The following GMFB variants were observed in gnomAD, a reference collection of about 807,000 sequenced individuals.
GMFB encodes GMF-beta.
GMFB carries 13 observed loss-of-function variants against 25.6 expected under a neutral mutation model. The observed-to-expected ratio is 0.51, with a 90% CI of 0.33 to 0.81. GMFB has a LOEUF of 0.81. GMFB is among the 30% of genes least tolerant of loss of function. The pLI, the probability that GMFB is intolerant of heterozygous loss-of-function variation, is 0.02. For synonymous variants in GMFB, 57 were observed against 56.9 expected, an observed-to-expected ratio of 1.00 and a Z score of 0.00; for missense variants, 146 against 175.4, an observed-to-expected ratio of 0.83 and a Z score of 0.95.
chr14:54,479,752 T>C lies in GMFB; in HGVS notation c.357+34A>G, dbSNP rs375494190. 15 of 1,252,974 alleles carry C rather than the reference T, an allele frequency of 1.2e-5. No homozygotes were observed. In the African/African-American group the frequency reaches 1.3e-4, roughly 11 times the overall value. 77.6% of individuals were successfully genotyped at this position (1,252,974 alleles called of 1,614,324 possible). Reference sequence around the variant, plus strand: ...TTGCTTTATAGTCTAAAGGAAAATATTGTCTCAACAAGTCAGTCAAATATA... The same window carrying C: ...TTGCTTTATAGTCTAAAGGAAAATACTGTCTCAACAAGTCAGTCAAATATA... On this transcript the variant is annotated intron_variant, in intron 6 of 6. Transcript: ENST00000358056.
At position 54,483,658 on chromosome 14, in the gene GMFB, A is replaced by G. The variant is rs557523140; in HGVS notation, c.100+13T>C. 6 of 1,356,232 alleles carry G rather than the reference A, an allele frequency of 4.4e-6. No homozygotes were observed. Among genetic ancestry groups the G allele is most frequent in the African/African-American group, 1.4e-5 (1 of 69,456 alleles). The allele number at this position is 1,356,232 out of a possible 1,614,324, so 84.0% of individuals were successfully genotyped here. ...AAGACCATGTAACTTTGAGGCAATC[A>G]CTTTTAGCTTACTTATAATAGCAGC... is the stretch of plus-strand genomic sequence containing the variant. On this transcript the variant is annotated intron_variant, in intron 2 of 6. Transcript: ENST00000358056.
intron 3 of GMFB, 124 bp downstream of exon 3, chr14:54,482,029 C>T: frequency 4.6e-6 from 3 of 650,046 alleles, no homozygotes; most frequent in Non-Finnish European, 8.4e-6. Flanking sequence ...TGCTTTTATG[C>T]ATAATGAGCA....
Position 54,476,660 on chromosome 14 carries a change from T to C in GMFB, c.*1428A>G, listed in dbSNP as rs2031644313. 1 of 151,986 alleles carries C rather than the reference T, an allele frequency of 6.6e-6. No individual in the cohort carries two copies. Among genetic ancestry groups the C allele is most frequent in the African/African-American group, 2.4e-5 (1 of 41,436 alleles). 9.4% of individuals were successfully genotyped at this position (151,986 alleles called of 1,614,324 possible). A position where few individuals can be genotyped will look rare whatever the true frequency, so the allele number is the denominator to read the frequency against. ...GATGTTCTATTCAATATCGCAAAAA[T>C]TCCAACTATCTTTACTTCTCACAGA... is the stretch of plus-strand genomic sequence containing the variant. On this transcript the variant is annotated 3_prime_UTR_variant, in exon 7 of 7. Transcript: ENST00000358056.
Position 54,478,155 on chromosome 14 carries a change from A to T in GMFB, c.362T>A (p.Phe121Tyr). The change falls in exon 7 of 7, where the codon TTT (phenylalanine) becomes TAT (tyrosine). Residue 121 changes from phenylalanine to tyrosine, a missense_variant. Phe to Tyr is a conservative substitution (Grantham distance 22). Coordinates refer to ENST00000358056, the MANE Select transcript of GMFB (RefSeq NM_004124.3). The stretch of plus-strand genomic sequence containing the variant: ...TAGGTCTTCGGTATTTCTTATTTCA[A>T]ATACCTTTAAAAAAAAAAAAAACTT... ...LVQTAELTKV[F>Y]EIRNTEDLTE... is the part of the protein sequence containing the mutation. 1 of 1,308,014 alleles carries T rather than the reference A, an allele frequency of 7.6e-7. No individual in the cohort carries two copies. The highest frequency in any genetic ancestry group is 1.0e-6 in the Non-Finnish European group (1 of 973,432). The allele number at this position is 1,308,014 out of a possible 1,614,324, so 81.0% of individuals were successfully genotyped here.
rs1453457633 is a variant in GMFB, at chr14:54,475,746, T to C, written c.*2342A>G. On this transcript the variant is annotated 3_prime_UTR_variant, in exon 7 of 7. Coordinates refer to ENST00000358056, the MANE Select transcript of GMFB (RefSeq NM_004124.3). ...GCAGAACTTATGCAGGGCCAAAAAT[T>C]TCAAAACTAACACTGACTTAGAAGA... is the stretch of plus-strand genomic sequence containing the variant. 3 of 152,448 alleles carry C rather than the reference T, an allele frequency of 2.0e-5. No homozygotes were observed. Among genetic ancestry groups the C allele is most frequent in the Non-Finnish European group, 4.4e-5 (3 of 67,934 alleles). The allele number at this position is 152,448 out of a possible 1,614,324, so 9.4% of individuals were successfully genotyped here.
rs191626746 is a variant in GMFB at position 54,486,274 on chromosome 14, C to T, written c.4-2507G>A. On this transcript the variant is annotated intron_variant, in intron 1 of 6. Coordinates refer to ENST00000358056, the MANE Select transcript of GMFB (RefSeq NM_004124.3). ...AAAAACAAAAACAAAAAAACAAAAA[C>T]AAACAGACCCCAACTCTCAGCATAT... Among the ~76,000 whole-genome samples the T allele has an allele frequency of 4.1e-3, 625 of 151,988 alleles. 4 individuals are homozygous for T. The highest frequency in any genetic ancestry group is 0.015 in the African/African-American group (604 of 41,468).
intron 6 of GMFB, 123 bp from the exon 7 acceptor site, chr14:54,478,282 A>G: frequency 2.2e-6 from 1 of 461,808 alleles, no homozygotes; most frequent in Non-Finnish European, 3.9e-6. Flanking sequence ...ATATTTGAGT[A>G]TTAAATACCA....
intron 1 of GMFB, among the ~76,000 whole-genome samples, chr14:54,488,433 A>C (rs2031818873): frequency 6.6e-6 from 1 of 152,256 alleles, no homozygotes; most frequent in African/African-American, 2.4e-5. Context: ...AGAGAGAAAG[A>C]AGCTAAGGTG....
intron 2 of GMFB, 56 bp from the exon 3 acceptor site, chr14:54,482,258 C>A (rs946088366): frequency 1.9e-5 from 20 of 1,077,074 alleles, no homozygotes; most frequent in Non-Finnish European, 2.8e-5. Flanking sequence ...CCTGATCTGC[C>A]CAACCCACAC....
chr14:54,487,394 G>A (rs184712935), intron 1 of GMFB, among the ~76,000 whole-genome samples: 3 of 152,234 alleles, frequency 2.0e-5, no homozygotes, highest in Admixed American at 1.3e-4. Context: ...AATTAGCCGG[G>A]TGTGGTGGCG....
At chr14:54,483,985 G>T (rs1566497904) in intron 1 of GMFB, 1 of 645,122 alleles carries the variant, frequency 1.6e-6, no homozygotes, top group Middle Eastern at 2.5e-4. Flanking sequence ...ATATATGTAA[G>T]GTATATTTTA....
intron 1 of GMFB, among the ~76,000 whole-genome samples, chr14:54,485,537 A>G (rs1364352946): frequency 1.3e-5 from 2 of 152,224 alleles, no homozygotes; most frequent in African/African-American, 4.8e-5. Context: ...AAAAATGGAA[A>G]GATTCCAAGC....
intron 2 of GMFB, 61 bp downstream of exon 2, chr14:54,483,610 A>C: frequency 1.2e-6 from 1 of 831,944 alleles, no homozygotes; most frequent in Non-Finnish European, 2.0e-6. Context: ...CATTCAATGT[A>C]GCTACAAGAT....
intron 1 of GMFB, among the ~76,000 whole-genome samples, chr14:54,484,777 T>C (rs572791016): frequency 1.3e-5 from 2 of 151,306 alleles, no homozygotes; most frequent in South Asian, 2.1e-4. Context: ...GATGCAAAAA[T>C]CCTTAACAAA....
chr14:54,480,743 T>C (rs532105512), intron 5 of GMFB, 131 bp downstream of exon 5: 71 of 608,160 alleles, frequency 1.2e-4, no homozygotes, highest in Non-Finnish European at 1.8e-4. Flanking sequence ...TGGACACACA[T>C]AGACACAGAC....
intron 5 of GMFB, chr14:54,480,654 G>C: frequency 2.6e-6 from 1 of 380,150 alleles, no homozygotes; most frequent in Non-Finnish European, 4.8e-6. Context: ...ACAATTACAC[G>C]TCTAGAAATT....
At chr14:54,486,433 G>C (rs1009807939) in intron 1 of GMFB, among the ~76,000 whole-genome samples, 3 of 152,086 alleles carry the variant, frequency 2.0e-5, no homozygotes, top group Non-Finnish European at 2.9e-5. Context: ...GACCTCAAAA[G>C]CACAGACAAC....
At chr14:54,487,632 G>A (rs908112563) in intron 1 of GMFB, among the ~76,000 whole-genome samples, 1 of 152,240 alleles carries the variant, frequency 6.6e-6, no homozygotes. Flanking sequence ...AGAACTGCTT[G>A]AACCTGGGAG....
intron 1 of GMFB, among the ~76,000 whole-genome samples, chr14:54,484,982 T>C (rs1278183229): frequency 6.6e-6 from 1 of 152,224 alleles, no homozygotes; most frequent in Middle Eastern, 3.4e-3. Flanking sequence ...CATCCTTTCA[T>C]GATAAAAACC....
Sources: allele counts gnomAD v4.1 joint callset (sites outside exome capture counted in the v4.1 genomes callset), GRCh38; gene constraint gnomAD v4.1.1; transcripts MANE v1.5; gene names NCBI Gene and HGNC (gene_info 2026-07-23, HGNC 2026-07-21).